Variants in ANO3 observed in about 807,000 individuals in gnomAD.
ANO3 encodes the protein anoctamin 3, also known as anoctamin-3.
ANO3 carries 99 observed loss-of-function variants against 144.8 expected under a neutral mutation model. The observed-to-expected ratio is 0.68, with a 90% CI of 0.58 to 0.81. The LOEUF (loss-of-function observed/expected upper bound fraction) is 0.81. Among genes scored for constraint, ANO3 ranks in the 30% least tolerant of loss-of-function variants. ANO3 has a pLI of 0.00. For missense variants in ANO3, 905 were observed against 1,202.2 expected, an observed-to-expected ratio of 0.75 and a Z score of 3.66; for synonymous variants, 414 against 392.6, an observed-to-expected ratio of 1.05 and a Z score of -0.64.
intron 12 of ANO3, among the ~76,000 whole-genome samples, chr11:26,550,398 G>T (rs898193494): frequency 7.9e-5 from 12 of 151,714 alleles, no homozygotes; most frequent in Non-Finnish European, 1.5e-4. Flanking sequence ...TTACATAACT[G>T]AAACTTTTTA....
At chr11:26,292,318 T>C (rs1186158106) in intron 1 of ANO3, among the ~76,000 whole-genome samples, 1 of 152,170 alleles carries the variant, frequency 6.6e-6, no homozygotes, top group Non-Finnish European at 1.5e-5. Flanking sequence ...ATCTAATCTT[T>C]TTTCAAGGTT....
intron 1 of ANO3, among the ~76,000 whole-genome samples, chr11:26,304,485 C>T (rs1854320910): frequency 6.6e-6 from 1 of 152,110 alleles, no homozygotes. Context: ...AGACACTGTA[C>T]ACAGGTAACC....
chr11:26,561,369 T>C, intron 14 of ANO3: 1 of 634,802 alleles, frequency 1.6e-6, no homozygotes, highest in Middle Eastern at 4.5e-4. Flanking sequence ...TTTTAAAATT[T>C]TAAATAAGTA....
chr11:26,338,740 T>C (rs1034943995), intron 1 of ANO3, among the ~76,000 whole-genome samples: 1 of 151,484 alleles, frequency 6.6e-6, no homozygotes, highest in Non-Finnish European at 1.5e-5. Context: ...CTTTAAGAGC[T>C]GTAACACTTG....
At chr11:26,639,329 T>C in intron 21 of ANO3, 88 bp downstream of exon 21, 1 of 930,512 alleles carries the variant, frequency 1.1e-6, no homozygotes, top group Non-Finnish European at 1.7e-6. Flanking sequence ...GAATTTGGTC[T>C]TGGTAATCAG....
chr11:26,273,029 G>T (rs1054507275), intron 1 of ANO3, among the ~76,000 whole-genome samples: 1 of 152,012 alleles, frequency 6.6e-6, no homozygotes, highest in Non-Finnish European at 1.5e-5. Flanking sequence ...AGTATTGAGC[G>T]TACTTAATGA....
At chr11:26,241,770 G>A (rs952621375) in intron 1 of ANO3, among the ~76,000 whole-genome samples, 2 of 152,080 alleles carry the variant, frequency 1.3e-5, no homozygotes, top group Middle Eastern at 3.2e-3. Flanking sequence ...TACAGACAAG[G>A]CAATTGAGGC....
chr11:26,487,728 G>A (rs776139553), intron 4 of ANO3, among the ~76,000 whole-genome samples: 23 of 152,166 alleles, frequency 1.5e-4, no homozygotes, highest in Admixed American at 8.5e-4. Flanking sequence ...CTCCTGTTAC[G>A]TCACCAAAGA....
chr11:26,493,377 G>T (rs1860792475), intron 4 of ANO3, among the ~76,000 whole-genome samples: 1 of 152,140 alleles, frequency 6.6e-6, no homozygotes, highest in Non-Finnish European at 1.5e-5. Flanking sequence ...GGAAAGGACT[G>T]CTGTGGACAG....
At chr11:26,334,246 C>G (rs970767733) in intron 1 of ANO3, among the ~76,000 whole-genome samples, 22 of 152,164 alleles carry the variant, frequency 1.4e-4, no homozygotes, top group African/African-American at 5.3e-4. Flanking sequence ...GAGGAGTACT[C>G]CGGTAGGAAG....
intron 1 of ANO3, among the ~76,000 whole-genome samples, chr11:26,374,277 ACAT>A (rs1427834338): frequency 1.3e-5 from 2 of 152,196 alleles, no homozygotes; most frequent in Non-Finnish European, 2.9e-5. Flanking sequence ...GAGGTAATAA[ACAT>A]CATGTTTAGC....
chr11:26,460,770 T>C (rs1039928091), intron 3 of ANO3, among the ~76,000 whole-genome samples: 8 of 151,994 alleles, frequency 5.3e-5, no homozygotes, highest in Non-Finnish European at 1.2e-4. Context: ...AGGAAATGAG[T>C]AATGAACTTC....
chr11:26,332,192 C>T lies in ANO3; in HGVS notation c.-84C>T. Reference sequence around the variant, plus strand: ...CAGTGCGCTCGCTGAGGCTCCGGACCTTGGAGCGTCTAGAGTCTGGCTACT... The same window carrying T: ...CAGTGCGCTCGCTGAGGCTCCGGACTTTGGAGCGTCTAGAGTCTGGCTACT... On this transcript the variant is annotated 5_prime_UTR_variant, in exon 1 of 27. Transcript: ENST00000256737. 2 of 1,612,882 alleles carry T rather than the reference C, an allele frequency of 1.2e-6. No individual in the cohort carries two copies. The highest frequency in any genetic ancestry group is 2.2e-5 in the East Asian group (1 of 44,848).
chr11:26,268,205 A>G (rs990331224), intron 1 of ANO3, among the ~76,000 whole-genome samples: 1 of 152,254 alleles, frequency 6.6e-6, no homozygotes, highest in Non-Finnish European at 1.5e-5. Flanking sequence ...AAAGCAATGT[A>G]TAATCTAAAA....
intron 18 of ANO3, among the ~76,000 whole-genome samples, chr11:26,632,167 G>C (rs1852803501): frequency 6.6e-6 from 1 of 151,252 alleles, no homozygotes; most frequent in East Asian, 1.9e-4. Flanking sequence ...AATCCAGCCT[G>C]GGCGACAAAG....
chr11:26,478,481 G>A (rs4505017), intron 4 of ANO3, among the ~76,000 whole-genome samples: 16,069 of 152,018 alleles, frequency 0.11, 1,019 homozygotes, highest in African/African-American at 0.17. Context: ...CTTGAAGCTA[G>A]CCAATAGAAT....
chr11:26,309,916 C>T (rs1564959372), intron 1 of ANO3, among the ~76,000 whole-genome samples: 1 of 152,098 alleles, frequency 6.6e-6, no homozygotes, highest in Non-Finnish European at 1.5e-5. Flanking sequence ...TATTTTTATC[C>T]TAAGCTTCTA....
intron 1 of ANO3, among the ~76,000 whole-genome samples, chr11:26,231,204 A>G (rs1009672752): frequency 1.5e-4 from 23 of 152,088 alleles, no homozygotes; most frequent in African/African-American, 5.1e-4. Flanking sequence ...ATTCCTCTGA[A>G]CAGATAACTT....
chr11:26,542,791 G>A (rs1849678034), intron 11 of ANO3, among the ~76,000 whole-genome samples: 1 of 151,854 alleles, frequency 6.6e-6, no homozygotes, highest in Admixed American at 6.6e-5. Context: ...TATTTTTAGA[G>A]ATCATGAAAT....
Sources: allele counts gnomAD v4.1 joint callset (sites outside exome capture counted in the v4.1 genomes callset), GRCh38; gene constraint gnomAD v4.1.1; transcripts MANE v1.5; gene names NCBI Gene and HGNC (gene_info 2026-07-23, HGNC 2026-07-21).